The following RBPJ variants were observed in gnomAD, a reference collection of about 807,000 sequenced individuals.
RBPJ encodes the protein recombining binding protein suppressor of hairless.
RBPJ carries 9 observed loss-of-function variants against 67.8 expected under a neutral mutation model. The ratio of observed to expected loss-of-function variants is 0.13; its 90% CI spans 0.08 to 0.23. RBPJ has a LOEUF of 0.23. Ranked by LOEUF, RBPJ falls within the 10% of genes least tolerant of loss-of-function variation. The pLI, the probability that RBPJ is intolerant of heterozygous loss-of-function variation, is 1.00. For missense variants in RBPJ, 305 were observed against 595.6 expected (o/e 0.51, Z 5.08); for synonymous variants, 198 against 203.3 (o/e 0.97, Z 0.22).
chr4:26,341,413 G>A (rs896166712), intron 1 of RBPJ, among the ~76,000 whole-genome samples: 3 of 152,050 alleles, frequency 2.0e-5, no homozygotes, highest in South Asian at 2.1e-4. Context: ...TCAGGAGTTC[G>A]AGACCAGCCT....
intron 1 of RBPJ, among the ~76,000 whole-genome samples, chr4:26,268,096 A>G (rs1439550450): frequency 6.6e-6 from 1 of 152,212 alleles, no homozygotes; most frequent in African/African-American, 2.4e-5. Flanking sequence ...CCTAACAATT[A>G]GTCGTGTAGG....
chr4:26,424,497 C>A lies in RBPJ; in HGVS notation c.634+18C>A. ...TCATCTCTGTGAGTATAAAAGTGTGCATTTAATGTTTTTAGTGTGAAATTG... is the reference window on the plus strand; with the variant it reads ...TCATCTCTGTGAGTATAAAAGTGTGAATTTAATGTTTTTAGTGTGAAATTG... On this transcript the variant is annotated intron_variant, in intron 6 of 10. Coordinates refer to ENST00000355476, the MANE Select transcript of RBPJ (RefSeq NM_015874.6). This position sits in a 1 kb window ranked among gnomAD's most constrained non-coding sequence, Gnocchi z 5.3. 3.7e-6 allele frequency: 6 copies of A among 1,610,210 alleles called. No homozygotes were observed. The highest frequency in any genetic ancestry group is 4.2e-6 in the Non-Finnish European group (5 of 1,177,982).
At chr4:26,197,554 G>A (rs758247445) in intron 1 of RBPJ, among the ~76,000 whole-genome samples, 50 of 152,146 alleles carry the variant, frequency 3.3e-4, no homozygotes, top group Non-Finnish European at 5.7e-4. Flanking sequence ...GTTTGATCTC[G>A]GCACTGATGC....
chr4:26,406,314 T>C (rs761063309), intron 3 of RBPJ, 44 bp downstream of exon 3: 1 of 1,263,748 alleles, frequency 7.9e-7, no homozygotes, highest in South Asian at 1.2e-5. Flanking sequence ...AGTTACCACA[T>C]GAATTTGCCA....
chr4:26,340,102 A>G (rs973661106), intron 1 of RBPJ, among the ~76,000 whole-genome samples: 8 of 152,256 alleles, frequency 5.3e-5, no homozygotes, highest in African/African-American at 1.9e-4. Flanking sequence ...TGCTAGTAGT[A>G]AAGACAAAAT....
intron 1 of RBPJ, among the ~76,000 whole-genome samples, chr4:26,239,037 A>G (rs1183686832): frequency 1.3e-5 from 2 of 152,164 alleles, no homozygotes; most frequent in African/African-American, 2.4e-5. Flanking sequence ...GGGATGGCCT[A>G]TGAAGCAAAG....
chr4:26,380,515 T>TTAG (rs1438474230), intron 1 of RBPJ, among the ~76,000 whole-genome samples: 1 of 152,220 alleles, frequency 6.6e-6, no homozygotes, highest in Non-Finnish European at 1.5e-5. Flanking sequence ...AAGCAGCTTC[T>TTAG]TAGTATCATT....
At chr4:26,141,428 G>T in the RBPJ span, among the ~76,000 whole-genome samples, 4 of 152,184 alleles carry the variant, frequency 2.6e-5, no homozygotes, top group Non-Finnish European at 5.9e-5. Flanking sequence ...TGCAGCACAG[G>T]CCCCAGGGCA....
intron 1 of RBPJ, among the ~76,000 whole-genome samples, chr4:26,338,140 A>G (rs760921802): frequency 4.6e-4 from 39 of 84,736 alleles, no homozygotes; most frequent in Non-Finnish European, 8.6e-4. Context: ...AAACATTCTT[A>G]TGTGTATTTT....
chr4:26,311,303 G>A lies in RBPJ; in HGVS notation c.-166-51143G>A, dbSNP rs531609682. 8.5e-5 allele frequency among the ~76,000 whole-genome samples: 13 copies of A among 152,202 alleles called. No individual in the cohort carries two copies. In the South Asian group the frequency reaches 1.9e-3, roughly 22 times the overall value. ...TGTAATCCTAGCACTTTGGGAGGTC[G>A]AGGTGGGAGGATCACTTGAGGTGAG... On this transcript the variant is annotated intron_variant, in intron 1 of 4. Coordinates refer to the RBPJ transcript ENST00000512351.
At chr4:26,114,497 A>ATATATATATATATATGTG in the RBPJ span, among the ~76,000 whole-genome samples, 2 of 140,074 alleles carry the variant, frequency 1.4e-5, no homozygotes, top group African/African-American at 5.5e-5. Context: ...ATATATATAT[A>ATATATATATATATATGTG]TGTATGTGTG....
intron 5 of RBPJ, among the ~76,000 whole-genome samples, chr4:26,421,964 T>A (rs981395227): frequency 2.0e-5 from 3 of 152,066 alleles, no homozygotes; most frequent in African/African-American, 7.3e-5. Flanking sequence ...GTCCACACAT[T>A]TTAGTCTGTA....
intron 2 of RBPJ, among the ~76,000 whole-genome samples, chr4:26,394,016 C>A (rs1245663988): frequency 2.1e-5 from 3 of 145,112 alleles, no homozygotes; most frequent in Non-Finnish European, 4.5e-5. Flanking sequence ...TTCACTGTTA[C>A]TATGGATTCA....
chr4:26,164,250 C>A (rs1037842253), intron 1 of RBPJ, among the ~76,000 whole-genome samples: 2 of 152,162 alleles, frequency 1.3e-5, no homozygotes, highest in Admixed American at 1.3e-4. Context: ...TTCATGCATG[C>A]GTTTATTCAC....
chr4:26,327,626 A>T (rs548847563), intron 1 of RBPJ, among the ~76,000 whole-genome samples: 44 of 149,482 alleles, frequency 2.9e-4, no homozygotes, highest in South Asian at 1.7e-3. Context: ...ATGAGATGAT[A>T]ATCAGAGTTG....
chr4:26,361,134 A>T (rs930833693), intron 1 of RBPJ, among the ~76,000 whole-genome samples: 1 of 151,416 alleles, frequency 6.6e-6, no homozygotes, highest in Non-Finnish European at 1.5e-5. Context: ...GGCCAGAGGG[A>T]TGGACTAATG....
At chr4:26,389,104 C>T (rs935014126) in intron 2 of RBPJ, among the ~76,000 whole-genome samples, 5 of 151,664 alleles carry the variant, frequency 3.3e-5, no homozygotes, top group African/African-American at 7.3e-5. Context: ...TGGCACGTGC[C>T]TGTAGTCCCA....
intron 1 of RBPJ, among the ~76,000 whole-genome samples, chr4:26,293,289 G>A (rs538195353): frequency 1.3e-5 from 2 of 150,154 alleles, no homozygotes; most frequent in South Asian, 4.2e-4. Context: ...CTTGCATCTG[G>A]AAGGTGGTGC....
intron 4 of RBPJ, among the ~76,000 whole-genome samples, chr4:26,416,403 A>AT (rs1226974619): frequency 6.6e-6 from 1 of 151,932 alleles, no homozygotes; most frequent in African/African-American, 2.4e-5. Flanking sequence ...ACTTTTTTGT[A>AT]TTTTTTTGTA....
Sources: gnomAD v4.1 joint callset for allele counts (sites outside exome capture counted in the v4.1 genomes callset) on GRCh38, gnomAD v4.1.1 for gene constraint, Gnocchi (gnomAD v3.1) non-coding constraint, MANE v1.5 for transcripts, NCBI Gene and HGNC (gene_info 2026-07-23, HGNC 2026-07-21) for gene names.